The following MPDZ variants were observed in gnomAD, a reference collection of about 807,000 sequenced individuals.
MPDZ encodes the protein multiple PDZ domain crumbs cell polarity complex component.
MPDZ carries 234 observed loss-of-function variants against 239.1 expected under a neutral mutation model. That is an observed-to-expected ratio of 0.98 (90% confidence interval 0.88 to 1.09). The LOEUF is 1.09. Ranked by LOEUF, MPDZ falls within the 50% of genes least tolerant of loss-of-function variation. The probability of loss-of-function intolerance (pLI) is 0.00; values close to 1 mark genes in which losing one functional copy is unlikely to be tolerated. For synonymous variants in MPDZ, 1,048 were observed against 881.3 expected (o/e 1.19, Z -3.35); for missense variants, 3,175 against 2,510.0 (o/e 1.26, Z -5.66).
chr9:13,122,523 C>CTTTTTTTTTTTTTTTTTTTT (rs1193402258), intron 36 of MPDZ, among the ~76,000 whole-genome samples: 2 of 141,144 alleles, frequency 1.4e-5, no homozygotes, highest in African/African-American at 5.3e-5. Context: ...TTTTCAAACT[C>CTTTTTTTTTTTTTTTTTTTT]TTTTTTTTTT....
chr9:13,204,888 T>C, intron 12 of MPDZ, 148 bp downstream of exon 12: 1 of 456,740 alleles, frequency 2.2e-6, no homozygotes, highest in East Asian at 3.6e-5. Context: ...CTTAGTCACA[T>C]TTATAAACAG....
In MPDZ at chr9:13,147,652, C is replaced by A. The variant is rs199951893; in HGVS notation, c.3637G>T (p.Gly1213Ter). 1 of 1,610,910 alleles carries A rather than the reference C, an allele frequency of 6.2e-7. No individual in the cohort carries two copies. The highest frequency in any genetic ancestry group is 1.3e-5 in the African/African-American group (1 of 74,846). The change falls in exon 26 of 47, where the codon GGA (glycine) becomes TGA (stop). Residue 1213 changes from glycine (G) to a stop codon, truncating the protein, a stop_gained. Coordinates refer to ENST00000319217, the MANE Select transcript of MPDZ (RefSeq NM_001378778.1). LOFTEE classifies it high-confidence loss of function. ...KPGDRIVEVD[G>*]MDLRDASHEQ... ...TGGCTTGCATCTCTGAGGTCCATTC[C>A]ATCCACCTGCAATGGAAGGCCTCAG...
At chr9:13,185,312 T>A (rs1169411352) in intron 18 of MPDZ, among the ~76,000 whole-genome samples, 1 of 152,068 alleles carries the variant, frequency 6.6e-6, no homozygotes, top group African/African-American at 2.4e-5. Context: ...CCCCCGAAAT[T>A]ACAATCAGCA....
At chr9:13,181,940 C>G (rs1031109884) in intron 19 of MPDZ, among the ~76,000 whole-genome samples, 1 of 152,052 alleles carries the variant, frequency 6.6e-6, no homozygotes, top group Non-Finnish European at 1.5e-5. Flanking sequence ...CACAGCCAGA[C>G]AGACAGTCTC....
chr9:13,150,973 C>G (rs528223191), intron 24 of MPDZ, among the ~76,000 whole-genome samples: 1 of 151,898 alleles, frequency 6.6e-6, no homozygotes, highest in South Asian at 2.1e-4. Context: ...AACTCAACAA[C>G]AACAAAAAAA....
chr9:13,126,057 T>C (rs1360058), intron 34 of MPDZ, among the ~76,000 whole-genome samples: 92,949 of 151,894 alleles, frequency 0.61, 29,349 homozygotes, highest in Middle Eastern at 0.71. Flanking sequence ...TCAAATGAGA[T>C]ACCAAATAAG....
chr9:13,161,941 C>G (rs1950538268), intron 23 of MPDZ, among the ~76,000 whole-genome samples: 1 of 152,090 alleles, frequency 6.6e-6, no homozygotes, highest in Non-Finnish European at 1.5e-5. Flanking sequence ...GCTCAACATT[C>G]TCCAAAAGAG....
At chr9:13,177,840 G>T (rs1237366688) in intron 19 of MPDZ, among the ~76,000 whole-genome samples, 4 of 152,104 alleles carry the variant, frequency 2.6e-5, no homozygotes, top group African/African-American at 9.7e-5. Context: ...AAACAGGCCT[G>T]ACTTAATAGA....
rs754857660 is a variant in MPDZ, at chr9:13,108,975, A to C, written c.6027T>G (p.His2009Gln). The change falls in exon 46 of 47, where the codon CAT (histidine) becomes CAG (glutamine). Residue 2009 changes from histidine (H) to glutamine (Q), a missense_variant. By Grantham distance (24) the His-to-Gln change is conservative. Transcript: ENST00000319217. ...TTTTAACATAAATGGGTAAGTCTCC[A>C]TGAGGGCTGCCATATCCTCCAACTA... ...FSIVGGYGSP[H>Q]GDLPIYVKTV... 6.2e-7 allele frequency: 1 copy of C among 1,608,832 alleles called. No homozygotes were observed.
At position 13,150,621 on chromosome 9, in the gene MPDZ, T is replaced by A; in HGVS notation, c.3520A>T (p.Ser1174Cys). The change falls in exon 25 of 47, where the codon AGT becomes TGT. Residue 1174 changes from serine (S) to cysteine (C), a missense_variant. Ser to Cys is a moderately radical substitution (Grantham distance 112). Transcript: ENST00000319217. ...ISIVGGRGMGSRLSNGEVMRG... is the reference protein window; with the variant it reads ...ISIVGGRGMGCRLSNGEVMRG... ...ATCACTTCTCCATTGCTTAGCCGAC[T>A]CCCCATCCCTCGTCCACCAACAATG... The A allele has an allele frequency of 6.5e-7, 1 of 1,532,262 alleles. No homozygotes were observed. The highest frequency in any genetic ancestry group is 1.8e-5 in the Admixed American group (1 of 54,094). The allele number at this position is 1,532,262 out of a possible 1,614,324, so 94.9% of individuals were successfully genotyped here.
rs747564293 is a variant in MPDZ at position 13,196,218 on chromosome 9, A to G, written c.1559T>C (p.Leu520Pro). The change falls in exon 13 of 47, where the codon CTG becomes CCG. Residue 520 changes from leucine (L) to proline (P), a missense_variant. Coordinates refer to ENST00000319217, the MANE Select transcript of MPDZ (RefSeq NM_001378778.1). ...TTCTATTTCTTCTATCTCAGCTGAC[A>G]GTAATGGATACCCTGAAACAGTCAA... ...LPTEEEGYPL[L>P]SAEIEEIEDA... The G allele has an allele frequency of 3.1e-6, 5 of 1,588,074 alleles. No homozygotes were observed. Among genetic ancestry groups the G allele is most frequent in the South Asian group, 1.1e-5 (1 of 87,456 alleles).
At chr9:13,246,723 C>T (rs1357636409) in intron 3 of MPDZ, among the ~76,000 whole-genome samples, 1 of 151,814 alleles carries the variant, frequency 6.6e-6, no homozygotes, top group Non-Finnish European at 1.5e-5. Context: ...TTAACTGGAG[C>T]TGTTCTTTCA....
intron 26 of MPDZ, among the ~76,000 whole-genome samples, chr9:13,144,834 G>C (rs1948218019): frequency 6.6e-6 from 1 of 152,062 alleles, no homozygotes; most frequent in Non-Finnish European, 1.5e-5. Flanking sequence ...TTACAAAAGA[G>C]AAGATCACAA....
In MPDZ at chr9:13,183,533, T is replaced by C. The variant is rs1437880687; in HGVS notation, c.2534A>G (p.Tyr845Cys). ...LVDESTFESPYSPENDSIYST... is the reference protein window; with the variant it reads ...LVDESTFESPCSPENDSIYST... ...GTAGATGCTGTCATTTTCAGGAGAG[T>C]ATGGAGACTCAAATGTGGATTCATC... is the stretch of plus-strand genomic sequence containing the variant. Residue 845 changes from tyrosine to cysteine, a missense_variant, in exon 19 of 47, where the codon TAC (tyrosine) becomes TGC (cysteine). Physicochemically the swap from Tyr to Cys is radical, Grantham distance 194. Transcript: ENST00000319217. 1 of 1,612,350 alleles carries C rather than the reference T, an allele frequency of 6.2e-7. No homozygotes were observed.
At chr9:13,203,257 G>C (rs1317155590) in intron 12 of MPDZ, among the ~76,000 whole-genome samples, 1 of 152,162 alleles carries the variant, frequency 6.6e-6, no homozygotes, top group Non-Finnish European at 1.5e-5. Flanking sequence ...AACTGATTCT[G>C]CAAGAGAAAC....
intron 19 of MPDZ, 94 bp downstream of exon 19, chr9:13,183,324 A>G (rs1418842051): frequency 5.2e-6 from 5 of 961,862 alleles, no homozygotes; most frequent in Admixed American, 3.1e-5. Context: ...AATGTCTCCA[A>G]TATGTTATTC....
chr9:13,211,432 G>A (rs1395883114), intron 10 of MPDZ, among the ~76,000 whole-genome samples: 2 of 152,050 alleles, frequency 1.3e-5, no homozygotes, highest in Admixed American at 6.6e-5. Context: ...AGTTTAGAAA[G>A]TCCGCTAAAA....
At chr9:13,218,636 G>A (rs932595882) in intron 8 of MPDZ, among the ~76,000 whole-genome samples, 15 of 151,846 alleles carry the variant, frequency 9.9e-5, no homozygotes, top group African/African-American at 3.6e-4. Flanking sequence ...AAGGGCTTGT[G>A]GAGGAGGTTA....
chr9:13,246,990 G>A (rs1301940734), intron 3 of MPDZ, among the ~76,000 whole-genome samples: 1 of 152,116 alleles, frequency 6.6e-6, no homozygotes, highest in Non-Finnish European at 1.5e-5. Flanking sequence ...ATTGTGAAAT[G>A]TTTCAATTTT....
Sources: allele counts gnomAD v4.1 joint callset (sites outside exome capture counted in the v4.1 genomes callset), GRCh38; gene constraint gnomAD v4.1.1; transcripts MANE v1.5; gene names NCBI Gene and HGNC (gene_info 2026-07-23, HGNC 2026-07-21).